Variants in CD48 observed in about 807,000 individuals in gnomAD.
CD48 encodes the protein CD48 antigen.
A neutral mutation model predicts 22.0 loss-of-function variants in CD48; 20 were observed. The ratio of observed to expected loss-of-function variants is 0.91; its 90% CI spans 0.64 to 1.32. CD48 has a LOEUF of 1.32. Among genes scored for constraint, CD48 ranks in the 40% most tolerant of loss-of-function variants. The pLI is 0.00. For missense variants in CD48, 307 were observed against 286.5 expected (o/e 1.07, Z -0.52); for synonymous variants, 110 against 110.1 (o/e 1.00, Z 0.01).
chr1:160,693,883 T>C (rs1310587742), intron 1 of CD48, among the ~76,000 whole-genome samples: 1 of 152,284 alleles, frequency 6.6e-6, no homozygotes, highest in Non-Finnish European at 1.5e-5. Flanking sequence ...CTGTCCCAAG[T>C]ACCTCAGGGA....
intron 1 of CD48, among the ~76,000 whole-genome samples, chr1:160,710,233 T>TA (rs1662908715): frequency 6.6e-6 from 1 of 152,220 alleles, no homozygotes; most frequent in South Asian, 2.1e-4. Flanking sequence ...GAGAATTTCT[T>TA]AATCTCTCTG....
Position 160,685,138 on chromosome 1 carries a change from A to G in CD48, c.134T>C (p.Ile45Thr), listed in dbSNP as rs747574138. Residue 45 changes from isoleucine (I) to threonine (T), a missense_variant, in exon 2 of 4, where the codon ATC becomes ACC. Transcript: ENST00000368046. ...VVSGSNVTLN[I>T]SESLPENYKQ... ...GTAGTTCTCAGGCAGGCTCTCAGAG[A>G]TGTTCAGAGTCACGTTGCTGCCGGA... The G allele has an allele frequency of 2.5e-6, 4 of 1,613,376 alleles. No homozygotes were observed. The Admixed American group carries it at 6.7e-5, about 27-fold the overall frequency.
At chr1:160,680,703 C>T in intron 3 of CD48, 1 of 1,019,696 alleles carries the variant, frequency 9.8e-7, no homozygotes, top group Non-Finnish European at 1.2e-6. Context: ...GGCTCAGGCT[C>T]TCACGCCTCC....
At position 160,679,094 on chromosome 1, in the gene CD48, T is replaced by G; in HGVS notation, c.690A>C (p.Leu230=). ...SFGVEWIASW[L]VVTVPTILGL... ...CAAGAATGGTGGGCACCGTGACCAC[T>G]AGCCAACTTGCAATCCATTCTACTC... The change falls in exon 4 of 4, where the codon CTA becomes CTC. Residue 230 remains leucine (L), a synonymous_variant. Coordinates refer to ENST00000368046, the MANE Select transcript of CD48 (RefSeq NM_001778.4). 1 of 1,614,164 alleles carries G rather than the reference T, an allele frequency of 6.2e-7. No individual in the cohort carries two copies. Among genetic ancestry groups the G allele is most frequent in the South Asian group, 1.1e-5 (1 of 91,082 alleles).
intron 3 of CD48, chr1:160,680,411 C>G (rs1401648245): frequency 4.6e-6 from 1 of 216,130 alleles, no homozygotes; most frequent in East Asian, 1.8e-4. Flanking sequence ...TCATTGAATC[C>G]TTAGCACGAG....
intron 1 of CD48, among the ~76,000 whole-genome samples, chr1:160,704,260 T>C (rs1189782969): frequency 2.0e-5 from 3 of 152,176 alleles, no homozygotes; most frequent in Non-Finnish European, 4.4e-5. Flanking sequence ...ATCTTAAACA[T>C]TAATTAGACC....
At position 160,679,043 on chromosome 1, in the gene CD48, G is replaced by A. The variant is rs1661706985; in HGVS notation, c.*9C>T. ...CCTTGAAGTTTCGCTTGAGTTAAAAGAGCTCATCTCAGGTAAGTAACAGGC... is the reference window on the plus strand; with the variant it reads ...CCTTGAAGTTTCGCTTGAGTTAAAAAAGCTCATCTCAGGTAAGTAACAGGC... On this transcript the variant is annotated 3_prime_UTR_variant, in exon 4 of 4. Transcript: ENST00000368046. 7 of 1,609,986 alleles carry A rather than the reference G, an allele frequency of 4.3e-6. No homozygotes were observed. The highest frequency in any genetic ancestry group is 4.3e-6 in the Non-Finnish European group (5 of 1,176,186).
chr1:160,679,896 A>G (rs1661732962), intron 3 of CD48, among the ~76,000 whole-genome samples: 1 of 152,222 alleles, frequency 6.6e-6, no homozygotes, highest in South Asian at 2.1e-4. Context: ...TGGAACCACC[A>G]GCCAAATTGT....
At chr1:160,702,593 A>G (rs4656928) in intron 1 of CD48, among the ~76,000 whole-genome samples, 74,307 of 151,960 alleles carry the variant, frequency 0.49, 18,796 homozygotes, top group Non-Finnish European at 0.55. Flanking sequence ...GCATTTGGCC[A>G]TGTTTGTTGA....
At chr1:160,687,368 T>C (rs1470357495) in intron 1 of CD48, among the ~76,000 whole-genome samples, 1 of 152,158 alleles carries the variant, frequency 6.6e-6, no homozygotes, top group African/African-American at 2.4e-5. Flanking sequence ...GTGACATACA[T>C]CCTCCTTGGC....
chr1:160,684,935 T>G lies in CD48; in HGVS notation c.337A>C (p.Lys113Gln), dbSNP rs756315691. The change falls in exon 2 of 4, where the codon AAA becomes CAA. Residue 113 changes from lysine (K) to glutamine (Q), a missense_variant. Coordinates refer to ENST00000368046, the MANE Select transcript of CD48 (RefSeq NM_001778.4). The part of the protein sequence containing the change: ...DNSTYIMRVL[K>Q]KTGNEQEWKI... ...CATTCTTGCTCATTCCCAGTCTTTT[T>G]CAACACCCTCATGATGTAGGTGCTG... 1.1e-5 allele frequency: 17 copies of G among 1,614,174 alleles called. No individual in the cohort carries two copies. Among genetic ancestry groups the G allele is most frequent in the Non-Finnish European group, 1.4e-5 (16 of 1,180,020 alleles).
At chr1:160,688,193 G>T (rs901124148) in intron 1 of CD48, among the ~76,000 whole-genome samples, 9 of 152,336 alleles carry the variant, frequency 5.9e-5, no homozygotes, top group African/African-American at 2.2e-4. Context: ...TGAGCCGTTT[G>T]AATAGATTGA....
At chr1:160,710,216 C>T (rs1050860262) in intron 1 of CD48, among the ~76,000 whole-genome samples, 3 of 152,146 alleles carry the variant, frequency 2.0e-5, no homozygotes, top group Non-Finnish European at 2.9e-5. Context: ...GACCTGTGTG[C>T]CCTTAGGAGA....
rs1661942679 is a variant in CD48, at chr1:160,684,955, G to A, written c.317C>T (p.Thr106Ile). ...ISKVQKEDNS[T>I]YIMRVLKKTG... ...CTTTTTCAACACCCTCATGATGTAG[G>A]TGCTGTTGTCCTCTTTCTGGACCTT... is the stretch of plus-strand genomic sequence containing the variant. The change falls in exon 2 of 4, where the codon ACC (threonine) becomes ATC (isoleucine). Residue 106 changes from threonine to isoleucine, a missense_variant. By Grantham distance (89) the Thr-to-Ile change is moderately conservative. Coordinates refer to ENST00000368046, the MANE Select transcript of CD48 (RefSeq NM_001778.4). The A allele has an allele frequency of 6.2e-7, 1 of 1,614,146 alleles. No homozygotes were observed. Among genetic ancestry groups the A allele is most frequent in the Non-Finnish European group, 8.5e-7 (1 of 1,180,036 alleles).
At chr1:160,708,940 G>A (rs1260803904) in intron 1 of CD48, among the ~76,000 whole-genome samples, 1 of 152,134 alleles carries the variant, frequency 6.6e-6, no homozygotes, top group Non-Finnish European at 1.5e-5. Context: ...CTGCTGAGTG[G>A]CACTAGCCAC....
intron 1 of CD48, among the ~76,000 whole-genome samples, chr1:160,709,080 T>C (rs1206423293): frequency 1.3e-5 from 2 of 152,232 alleles, no homozygotes; most frequent in African/African-American, 4.8e-5. Flanking sequence ...GGATGAACAG[T>C]CTTCCCCCAA....
intron 1 of CD48, among the ~76,000 whole-genome samples, chr1:160,693,651 G>A (rs780602570): frequency 8.3e-4 from 127 of 152,384 alleles, no homozygotes; most frequent in Non-Finnish European, 1.4e-3. Flanking sequence ...TGTAAAAAAG[G>A]AAAACATTGG....
intron 1 of CD48, among the ~76,000 whole-genome samples, chr1:160,700,881 A>C: frequency 6.6e-6 from 1 of 152,118 alleles, no homozygotes; most frequent in African/African-American, 2.4e-5. Flanking sequence ...TTTTATCTTG[A>C]GCAATGTGTA....
At chr1:160,683,443 G>C (rs1056379122) in intron 2 of CD48, 1 of 151,142 alleles carries the variant, frequency 6.6e-6, no homozygotes, top group African/African-American at 2.4e-5. Context: ...GAAACCATTA[G>C]TTTATTGAAA....
Sources: gnomAD v4.1 joint callset for allele counts (sites outside exome capture counted in the v4.1 genomes callset) on GRCh38, gnomAD v4.1.1 for gene constraint, MANE v1.5 for transcripts, NCBI Gene and HGNC (gene_info 2026-07-23, HGNC 2026-07-21) for gene names.